L3MBTL3: variants seen among roughly 807,000 people sequenced by gnomAD.
L3MBTL3 encodes the protein lethal(3)malignant brain tumor-like protein 3.
A neutral mutation model predicts 102.3 loss-of-function variants in L3MBTL3; 27 were observed. The ratio of observed to expected loss-of-function variants is 0.26; its 90% CI spans 0.19 to 0.36. The LOEUF is 0.36. Among genes scored for constraint, L3MBTL3 ranks in the 10% least tolerant of loss-of-function variants. L3MBTL3 has a pLI of 1.00. For missense variants in L3MBTL3, 798 were observed against 955.3 expected (o/e 0.84, Z 2.17); for synonymous variants, 340 against 320.9 (o/e 1.06, Z -0.64).
intron 18 of L3MBTL3, among the ~76,000 whole-genome samples, chr6:130,097,547 C>T (rs141758273): frequency 3.3e-5 from 5 of 151,986 alleles, no homozygotes; most frequent in African/African-American, 9.7e-5. Flanking sequence ...GATAATTTAA[C>T]GTTTTTTAAA....
chr6:130,019,538 T>G (rs1470119034), intron 1 of L3MBTL3: 2 of 151,078 alleles, frequency 1.3e-5, no homozygotes, highest in Admixed American at 1.3e-4. Context: ...AATGGACTGG[T>G]TGAATGTGCA....
chr6:130,078,964 G>C (rs951855504), intron 14 of L3MBTL3, among the ~76,000 whole-genome samples: 4 of 151,968 alleles, frequency 2.6e-5, no homozygotes, highest in Non-Finnish European at 5.9e-5. Context: ...AAAAAAAAAA[G>C]TTCTGTTTTA....
chr6:130,023,838 G>T (rs138992577), intron 2 of L3MBTL3, among the ~76,000 whole-genome samples: 1 of 152,158 alleles, frequency 6.6e-6, no homozygotes, highest in Non-Finnish European at 1.5e-5. Context: ...TGTGTGTATT[G>T]TATGGACTTC....
chr6:130,137,384 T>A (rs1277572814), intron 22 of L3MBTL3, among the ~76,000 whole-genome samples: 1 of 152,326 alleles, frequency 6.6e-6, no homozygotes, highest in East Asian at 1.9e-4. Flanking sequence ...ATTGCAGTGG[T>A]CACTGTTGTT....
At chr6:130,108,041 C>G (rs1247401577) in intron 19 of L3MBTL3, among the ~76,000 whole-genome samples, 1 of 152,078 alleles carries the variant, frequency 6.6e-6, no homozygotes, top group Non-Finnish European at 1.5e-5. Flanking sequence ...ACATGGGGCA[C>G]TGCTTGGATT....
rs189949402 is a variant in L3MBTL3 at position 130,065,104 on chromosome 6, T to G, written c.865-1249T>G. On this transcript the variant is annotated intron_variant, in intron 10 of 22. Coordinates refer to ENST00000361794, the MANE Select transcript of L3MBTL3 (RefSeq NM_032438.4). ...TTCTCTCTGGGGGGAGTCAGCTTAG[T>G]TGTAAATTTGATGTATGTGGTATAT... Among the ~76,000 whole-genome samples, 651 of 152,268 alleles carry G rather than the reference T, an allele frequency of 4.3e-3. 4 individuals carry two copies. Among genetic ancestry groups the G allele is most frequent in the African/African-American group, 0.014 (600 of 41,532 alleles).
intron 13 of L3MBTL3, 76 bp from the exon 14 acceptor site, chr6:130,078,482 T>C (rs1368115702): frequency 8.3e-6 from 8 of 969,420 alleles, no homozygotes; most frequent in East Asian, 2.4e-5. Context: ...TCATGATCTC[T>C]AGTTTTCTTT....
In L3MBTL3 at chr6:130,130,160, C is replaced by T. The variant is rs1374096383; in HGVS notation, c.1967-3292C>T. 2.0e-5 allele frequency among the ~76,000 whole-genome samples: 3 copies of T among 150,510 alleles called. No individual in the cohort carries two copies. The East Asian group carries it at 5.8e-4, about 29-fold the overall frequency. The stretch of plus-strand genomic sequence containing the variant: ...AAAGACATGCAGAGGCAACCACAGA[C>T]ATAAGGGCTTTGGTGTTTTTAGTCA... On this transcript the variant is annotated intron_variant, in intron 20 of 22. Transcript: ENST00000361794.
intron 17 of L3MBTL3, among the ~76,000 whole-genome samples, chr6:130,094,012 C>T (rs564220155): frequency 1.3e-5 from 2 of 152,244 alleles, no homozygotes; most frequent in East Asian, 1.9e-4. Context: ...AAGATTGTTA[C>T]GTCAAAGTTT....
chr6:130,062,046 G>A (rs775841792), intron 10 of L3MBTL3, among the ~76,000 whole-genome samples: 10 of 152,158 alleles, frequency 6.6e-5, no homozygotes, highest in Non-Finnish European at 2.9e-5. Context: ...CGTAAGTATA[G>A]ACTGCTTTTG....
intron 18 of L3MBTL3, among the ~76,000 whole-genome samples, chr6:130,096,700 G>A (rs1784383704): frequency 6.6e-6 from 1 of 152,166 alleles, no homozygotes; most frequent in African/African-American, 2.4e-5. Flanking sequence ...TCCTCAGCTG[G>A]GCCACACCCA....
chr6:130,026,915 T>C (rs1404657184), intron 2 of L3MBTL3, among the ~76,000 whole-genome samples: 1 of 151,766 alleles, frequency 6.6e-6, no homozygotes, highest in Non-Finnish European at 1.5e-5. Context: ...AAGAAGAAAA[T>C]TAAGAGAGAC....
chr6:130,024,688 G>A (rs1240923171), intron 2 of L3MBTL3, among the ~76,000 whole-genome samples: 1 of 152,128 alleles, frequency 6.6e-6, no homozygotes, highest in Non-Finnish European at 1.5e-5. Flanking sequence ...AGTGATCCCT[G>A]CGGTATTGTT....
intron 19 of L3MBTL3, among the ~76,000 whole-genome samples, chr6:130,110,299 A>G (rs58069107): frequency 0.017 from 2,523 of 152,286 alleles, 69 homozygotes; most frequent in African/African-American, 0.058. Flanking sequence ...CAGTATGGCC[A>G]TTTTCACGAT....
chr6:130,115,368 G>A (rs1292119782), intron 19 of L3MBTL3, among the ~76,000 whole-genome samples: 1 of 152,170 alleles, frequency 6.6e-6, no homozygotes, highest in African/African-American at 2.4e-5. Flanking sequence ...AATCTACATG[G>A]CAATCTGCAT....
chr6:130,042,472 A>C (rs1003664868), intron 2 of L3MBTL3, among the ~76,000 whole-genome samples: 1 of 152,152 alleles, frequency 6.6e-6, no homozygotes, highest in Non-Finnish European at 1.5e-5. Flanking sequence ...TAACTAAGAC[A>C]TTTTTATTAA....
At chr6:130,030,665 TAAAAAAA>T (rs548921467) in intron 2 of L3MBTL3, among the ~76,000 whole-genome samples, 7 of 48,544 alleles carry the variant, frequency 1.4e-4, no homozygotes, top group South Asian at 8.6e-4. Context: ...AGACTCTACC[TAAAAAAA>T]AAAAAAAAAA....
intron 13 of L3MBTL3, among the ~76,000 whole-genome samples, chr6:130,072,323 A>G (rs1404779480): frequency 6.6e-6 from 1 of 152,154 alleles, no homozygotes; most frequent in African/African-American, 2.4e-5. Flanking sequence ...GATAAAGTAA[A>G]CAGAAAGATG....
Position 130,068,339 on chromosome 6 carries a change from A to T in L3MBTL3, c.1010A>T (p.Glu337Val). Residue 337 changes from glutamate (E) to valine (V), a missense_variant, in exon 12 of 23, where the codon GAA becomes GTA. By Grantham distance (121) the Glu-to-Val change is moderately radical. Around this residue, in one of 4 missense-constraint regions of L3MBTL3, gnomAD observed 434 missense variants for 506.6 expected, o/e 0.86. Transcript: ENST00000361794. ...HKLHPPKGYK[E>V]EEFNWQTYLK... is the part of the protein sequence containing the mutation. Reference sequence around the variant, plus strand: ...TATGTGCTTACTCTAGGGTATAAAGAAGAAGAATTCAATTGGCAGACCTAT... The same window carrying T: ...TATGTGCTTACTCTAGGGTATAAAGTAGAAGAATTCAATTGGCAGACCTAT... The T allele has an allele frequency of 6.3e-7, 1 of 1,578,458 alleles. No homozygotes were observed.
Sources: allele counts gnomAD v4.1 joint callset (sites outside exome capture counted in the v4.1 genomes callset), GRCh38; gene constraint gnomAD v4.1.1; regional missense constraint gnomAD v4.1.1; transcripts MANE v1.5; gene names NCBI Gene and HGNC (gene_info 2026-07-23, HGNC 2026-07-21).